SEC24A: variants seen among roughly 807,000 people sequenced by gnomAD.
The protein encoded by SEC24A is SEC24 homolog A, COPII component, also known as protein transport protein Sec24A.
Under a neutral mutation model 129.4 loss-of-function variants are expected in SEC24A, and 93 were observed. The observed-to-expected ratio is 0.72, with a 90% CI of 0.61 to 0.85. The LOEUF (loss-of-function observed/expected upper bound fraction) is 0.85, where lower values mean the gene tolerates loss of function less well. Ranked by LOEUF, SEC24A falls within the 40% of genes least tolerant of loss-of-function variation. SEC24A has a pLI of 0.00. For missense variants in SEC24A, 1,264 were observed against 1,307.4 expected, an observed-to-expected ratio of 0.97 and a Z score of 0.51; for synonymous variants, 460 against 467.3, an observed-to-expected ratio of 0.98 and a Z score of 0.20.
rs191548446 is a variant in SEC24A, at chr5:134,717,270, G to A, written c.2866-799G>A. Reference sequence around the variant, plus strand: ...TGTAATCCCAGCACTTTGGGAGGCCGAGGCAGGTGGATCACCTGAAGTTTG... The same window carrying A: ...TGTAATCCCAGCACTTTGGGAGGCCAAGGCAGGTGGATCACCTGAAGTTTG... On this transcript the variant is annotated intron_variant, in intron 19 of 22. Transcript: ENST00000398844. Among the ~76,000 whole-genome samples the A allele has an allele frequency of 2.6e-5, 4 of 152,162 alleles. No individual in the cohort carries two copies. In the East Asian group the frequency reaches 5.8e-4, roughly 22 times the overall value.
intron 13 of SEC24A, among the ~76,000 whole-genome samples, chr5:134,696,348 C>G (rs1751823379): frequency 6.6e-6 from 1 of 151,654 alleles, no homozygotes; most frequent in Admixed American, 6.6e-5. Flanking sequence ...GTAAGTATTA[C>G]ATATGAATTG....
chr5:134,661,859 T>C (rs1750476872), intron 2 of SEC24A, among the ~76,000 whole-genome samples: 1 of 144,420 alleles, frequency 6.9e-6, no homozygotes, highest in Non-Finnish European at 1.5e-5. Context: ...TCTTGCTCTG[T>C]CACCCAGGCT....
rs1417692663 is a variant in SEC24A at position 134,661,856 on chromosome 5, C to T, written c.565+270C>T. 7.3e-4 allele frequency among the ~76,000 whole-genome samples: 84 copies of T among 115,166 alleles called. No homozygotes were observed. In the East Asian group the frequency reaches 0.011, roughly 15 times the overall value. 75.6% of individuals were successfully genotyped at this position (115,166 alleles called of 152,430 possible). ...TTTTTTTTTGAGATGGGGTCTTGCT[C>T]TGTCACCCAGGCTGGAAAGCAGTGG... On this transcript the variant is annotated intron_variant, in intron 2 of 22. Transcript: ENST00000398844.
In SEC24A at chr5:134,648,998, C is replaced by T; in HGVS notation, c.-79C>T. 9.5e-7 allele frequency: 1 copy of T among 1,054,072 alleles called. No homozygotes were observed. The highest frequency in any genetic ancestry group is 1.4e-6 in the Non-Finnish European group (1 of 706,138). 65.3% of individuals were successfully genotyped at this position (1,054,072 alleles called of 1,614,324 possible). On this transcript the variant is annotated 5_prime_UTR_variant, in exon 1 of 23. Coordinates refer to ENST00000398844, the MANE Select transcript of SEC24A (RefSeq NM_021982.3). ...GTCTTAAGTCGTTAGCCTCCTCCCT[C>T]CGCTTTCAGCAGTGGTCTTTCAGCT...
intron 1 of SEC24A, among the ~76,000 whole-genome samples, chr5:134,654,877 T>A (rs1323479090): frequency 6.6e-6 from 1 of 152,060 alleles, no homozygotes; most frequent in African/African-American, 2.4e-5. Flanking sequence ...TCACCATGCT[T>A]GTCTAATTTT....
chr5:134,701,412 GCT>G (rs921407399), intron 15 of SEC24A: 6 of 151,992 alleles, frequency 3.9e-5, no homozygotes, highest in Non-Finnish European at 7.4e-5. Context: ...ATCCTAATGT[GCT>G]TTTAAGACCT....
At chr5:134,693,120 C>G (rs970524706) in intron 12 of SEC24A, 2 of 1,535,448 alleles carry the variant, frequency 1.3e-6, no homozygotes, top group African/African-American at 1.4e-5. Context: ...CAGAATGTGT[C>G]TGAAGGGGGG....
intron 4 of SEC24A, among the ~76,000 whole-genome samples, chr5:134,672,118 A>G (rs1304243442): frequency 6.6e-6 from 1 of 152,126 alleles, no homozygotes; most frequent in African/African-American, 2.4e-5. Flanking sequence ...CCTGGGCTCA[A>G]GCAGTCCTCC....
In SEC24A at chr5:134,652,691, G is replaced by A. The variant is rs189740268; in HGVS notation, c.97+3518G>A. Among the ~76,000 whole-genome samples the A allele has an allele frequency of 1.1e-3, 166 of 152,244 alleles. 1 individual carries two copies. The highest frequency in any genetic ancestry group is 3.8e-3 in the African/African-American group (158 of 41,570). On this transcript the variant is annotated intron_variant, in intron 1 of 22. Transcript: ENST00000398844. The stretch of plus-strand genomic sequence containing the variant: ...CAACCTCCACCTCCCAGGTTCAAGC[G>A]ATTCTCCTGCCTCAGCTTCCCGAGT...
intron 11 of SEC24A, among the ~76,000 whole-genome samples, chr5:134,688,978 C>A (rs1751544137): frequency 6.6e-6 from 1 of 152,118 alleles, no homozygotes; most frequent in Admixed American, 6.5e-5. Flanking sequence ...CCACCCACAG[C>A]CAGTTAAGTG....
intron 18 of SEC24A, among the ~76,000 whole-genome samples, chr5:134,711,687 C>T (rs139186957): frequency 1.4e-3 from 210 of 151,598 alleles, no homozygotes; most frequent in African/African-American, 4.0e-3. Context: ...TTCACCACCA[C>T]GCCTGGCTAA....
chr5:134,698,680 G>A (rs947827621), intron 15 of SEC24A, among the ~76,000 whole-genome samples: 4 of 142,446 alleles, frequency 2.8e-5, no homozygotes, highest in Non-Finnish European at 4.5e-5. Flanking sequence ...TGCCCAGGCT[G>A]GTGTGCAGTG....
intron 3 of SEC24A, among the ~76,000 whole-genome samples, chr5:134,670,886 G>T (rs1750832464): frequency 6.6e-6 from 1 of 151,922 alleles, no homozygotes; most frequent in Admixed American, 6.6e-5. Context: ...CTACATGGGA[G>T]GCTGAGGCAG....
At chr5:134,684,813 A>T (rs1449249676) in intron 9 of SEC24A, among the ~76,000 whole-genome samples, 3 of 152,168 alleles carry the variant, frequency 2.0e-5, no homozygotes, top group Admixed American at 1.3e-4. Context: ...AACAAAAAAA[A>T]CCAGAAGCAC....
At position 134,676,142 on chromosome 5, in the gene SEC24A, TTC is replaced by T; in HGVS notation, c.1254+19_1254+20del. On this transcript the variant is annotated intron_variant, in intron 7 of 22. Coordinates refer to ENST00000398844, the MANE Select transcript of SEC24A (RefSeq NM_021982.3). ...GACTTAGTGGTATGTTTCTTTTCTT[TTC>T]TTTTTTTTTTTTTGAGACGGAGTCT... The T allele has an allele frequency of 6.4e-7, 1 of 1,567,748 alleles. No homozygotes were observed. Among genetic ancestry groups the T allele is most frequent in the Non-Finnish European group, 8.7e-7 (1 of 1,154,572 alleles).
chr5:134,662,000 T>G lies in SEC24A; in HGVS notation c.565+414T>G, dbSNP rs1446484232. On this transcript the variant is annotated intron_variant, in intron 2 of 22. Transcript: ENST00000398844. ...ACGTGCCACTGCACCCAGCTAACTT[T>G]TTGTATTTTTAGTAGAGATGGGGTT... Among the ~76,000 whole-genome samples, 3 of 151,570 alleles carry G rather than the reference T, an allele frequency of 2.0e-5. 1 individual carries two copies. Among genetic ancestry groups the G allele is most frequent in the Admixed American group, 2.0e-4 (3 of 15,166 alleles).
intron 8 of SEC24A, among the ~76,000 whole-genome samples, 185 bp downstream of exon 8, chr5:134,679,913 AT>A (rs982545933): frequency 3.3e-5 from 5 of 151,920 alleles, no homozygotes; most frequent in African/African-American, 9.7e-5. Context: ...TTAATTATTT[AT>A]TTTTTAAGCA....
chr5:134,655,134 GC>G (rs1750196386), intron 1 of SEC24A, among the ~76,000 whole-genome samples: 1 of 152,134 alleles, frequency 6.6e-6, no homozygotes, highest in Non-Finnish European at 1.5e-5. Context: ...ACCGCACCCG[GC>G]CACATGAGAT....
intron 1 of SEC24A, among the ~76,000 whole-genome samples, chr5:134,656,371 C>T (rs1750243517): frequency 6.6e-6 from 1 of 151,636 alleles, no homozygotes; most frequent in Non-Finnish European, 1.5e-5. Context: ...AGCCACCGCG[C>T]CCAGCGCAGA....
Sources: gnomAD v4.1 joint callset for allele counts (sites outside exome capture counted in the v4.1 genomes callset) on GRCh38, gnomAD v4.1.1 for gene constraint, MANE v1.5 for transcripts, NCBI Gene and HGNC (gene_info 2026-07-23, HGNC 2026-07-21) for gene names.